The following PTPRD variants were observed in gnomAD, a reference collection of about 807,000 sequenced individuals.
PTPRD encodes the protein protein tyrosine phosphatase receptor type D, also known as receptor-type tyrosine-protein phosphatase delta.
PTPRD carries 34 observed loss-of-function variants against 214.5 expected under a neutral mutation model. The observed-to-expected ratio is 0.16, with a 90% confidence interval of 0.12 to 0.21. The LOEUF (loss-of-function observed/expected upper bound fraction) is 0.21. PTPRD is among the 10% of genes least tolerant of loss of function. The pLI, the probability that PTPRD is intolerant of heterozygous loss-of-function variation, is 1.00. For synonymous variants in PTPRD, 1,128 were observed against 845.7 expected, an observed-to-expected ratio of 1.33 and a Z score of -5.79; for missense variants, 2,545 against 2,398.7, an observed-to-expected ratio of 1.06 and a Z score of -1.27.
intron 5 of PTPRD, among the ~76,000 whole-genome samples, chr9:9,837,650 C>G (rs553153468): frequency 4.6e-5 from 7 of 152,190 alleles, no homozygotes; most frequent in Middle Eastern, 3.4e-3. Context: ...GTCAAAGGCC[C>G]TGCAGTGTCA....
At chr9:9,403,975 A>G (rs2072089487) in intron 8 of PTPRD, among the ~76,000 whole-genome samples, 1 of 152,134 alleles carries the variant, frequency 6.6e-6, no homozygotes, top group Non-Finnish European at 1.5e-5. Context: ...AGAACAAGCC[A>G]GCCATGCAAG....
intron 11 of PTPRD, among the ~76,000 whole-genome samples, chr9:8,806,210 G>C (rs995621898): frequency 8.9e-5 from 13 of 146,182 alleles, no homozygotes; most frequent in African/African-American, 3.0e-4. Flanking sequence ...CAGGCATGGA[G>C]ATACTGCGCC....
At chr9:8,453,971 A>G (rs757925149) in intron 33 of PTPRD, among the ~76,000 whole-genome samples, 8 of 152,244 alleles carry the variant, frequency 5.3e-5, no homozygotes, top group Non-Finnish European at 1.0e-4. Context: ...ATATTTATAC[A>G]TAAGTGTATA....
chr9:9,054,607 T>C (rs2099692827), intron 10 of PTPRD, among the ~76,000 whole-genome samples: 1 of 152,186 alleles, frequency 6.6e-6, no homozygotes, highest in Non-Finnish European at 1.5e-5. Flanking sequence ...GATTCTCTTA[T>C]GCCCTGTTAC....
chr9:9,139,560 C>T (rs751908877), intron 10 of PTPRD, among the ~76,000 whole-genome samples: 3 of 152,102 alleles, frequency 2.0e-5, no homozygotes, highest in Non-Finnish European at 4.4e-5. Flanking sequence ...TCGAGGGTGG[C>T]TACTAAGTGA....
chr9:8,569,691 G>T (rs937387350), intron 14 of PTPRD, among the ~76,000 whole-genome samples: 2 of 152,024 alleles, frequency 1.3e-5, no homozygotes, highest in African/African-American at 4.8e-5. Context: ...TAAGAAAAGA[G>T]ACTTTAAAAC....
chr9:10,103,904 C>G (rs868049590), intron 3 of PTPRD, among the ~76,000 whole-genome samples: 9 of 151,458 alleles, frequency 5.9e-5, no homozygotes, highest in Middle Eastern at 3.2e-3. Context: ...TGGAAGCAAC[C>G]CAAGTGTCTA....
intron 7 of PTPRD, among the ~76,000 whole-genome samples, chr9:9,730,412 T>C (rs1429463814): frequency 1.3e-5 from 2 of 152,098 alleles, no homozygotes; most frequent in African/African-American, 4.8e-5. Context: ...TTTGCTTCAC[T>C]TATTAATGAC....
chr9:10,567,423 G>A (rs2065964546), intron 2 of PTPRD, among the ~76,000 whole-genome samples: 2 of 151,978 alleles, frequency 1.3e-5, no homozygotes, highest in African/African-American at 4.8e-5. Flanking sequence ...TTCCTTAAGT[G>A]ATAAGTTTTC....
chr9:8,830,539 T>A (rs960023043), intron 11 of PTPRD, among the ~76,000 whole-genome samples: 1 of 152,070 alleles, frequency 6.6e-6, no homozygotes, highest in Non-Finnish European at 1.5e-5. Flanking sequence ...CACAATTAAG[T>A]GCTCTGTGAC....
At chr9:8,683,072 T>C (rs1156612103) in intron 12 of PTPRD, among the ~76,000 whole-genome samples, 1 of 152,192 alleles carries the variant, frequency 6.6e-6, no homozygotes, top group Non-Finnish European at 1.5e-5. Context: ...CACATGATTT[T>C]CCACATCTTA....
chr9:10,035,087 C>G (rs118115504), intron 3 of PTPRD, among the ~76,000 whole-genome samples: 5 of 152,120 alleles, frequency 3.3e-5, no homozygotes, highest in Admixed American at 3.3e-4. Flanking sequence ...ATAAGCATTC[C>G]TTTTTCTCCA....
chr9:10,018,107 C>T (rs2096761288), intron 4 of PTPRD, among the ~76,000 whole-genome samples: 1 of 151,804 alleles, frequency 6.6e-6, no homozygotes, highest in Non-Finnish European at 1.5e-5. Context: ...GTTATGAAAT[C>T]CCCTCTCATA....
At chr9:9,616,713 C>G (rs1017333356) in intron 7 of PTPRD, among the ~76,000 whole-genome samples, 5 of 152,030 alleles carry the variant, frequency 3.3e-5, no homozygotes, top group African/African-American at 1.2e-4. Flanking sequence ...CTAGAAAACT[C>G]ACGAATTATC....
At chr9:10,297,143 ATACTT>A (rs1409571315) in intron 3 of PTPRD, among the ~76,000 whole-genome samples, 1 of 148,314 alleles carries the variant, frequency 6.7e-6, no homozygotes, top group Non-Finnish European at 1.5e-5. Flanking sequence ...TATTTTTATT[ATACTT>A]TAATTTCTAG....
chr9:9,536,358 T>C (rs923945450), intron 8 of PTPRD, among the ~76,000 whole-genome samples: 8 of 151,918 alleles, frequency 5.3e-5, no homozygotes, highest in African/African-American at 7.3e-5. Flanking sequence ...ACTCTTCAAG[T>C]TGTAAGATTC....
intron 4 of PTPRD, among the ~76,000 whole-genome samples, chr9:10,010,601 C>T (rs61278834): frequency 0.024 from 3,635 of 151,830 alleles, 160 homozygotes; most frequent in African/African-American, 0.083. Context: ...AAGTTGTATA[C>T]TCAACTCAGT....
chr9:9,893,189 C>A (rs564695920), intron 5 of PTPRD, among the ~76,000 whole-genome samples: 8 of 152,160 alleles, frequency 5.3e-5, no homozygotes, highest in African/African-American at 1.9e-4. Flanking sequence ...AGTACACAGA[C>A]TAGTGACACT....
intron 7 of PTPRD, among the ~76,000 whole-genome samples, chr9:9,708,289 T>C (rs1383035366): frequency 6.6e-6 from 1 of 151,970 alleles, no homozygotes; most frequent in Non-Finnish European, 1.5e-5. Context: ...CTACCTGGAG[T>C]TTCTCTTCAG....
Sources: allele counts gnomAD v4.1 joint callset (sites outside exome capture counted in the v4.1 genomes callset), GRCh38; gene constraint gnomAD v4.1.1; transcripts MANE v1.5; gene names NCBI Gene and HGNC (gene_info 2026-07-23, HGNC 2026-07-21).